The following KIF13A variants were observed in gnomAD, a reference collection of about 807,000 sequenced individuals.
KIF13A encodes the protein kinesin family member 13A.
Under a neutral mutation model 212.2 loss-of-function variants are expected in KIF13A, and 79 were observed. That is an observed-to-expected ratio of 0.37 (90% CI 0.31 to 0.45). KIF13A has a LOEUF of 0.45. Ranked by LOEUF, KIF13A falls within the 20% of genes least tolerant of loss-of-function variation. KIF13A has a pLI of 1.00. For missense variants in KIF13A, 1,901 were observed against 2,209.0 expected (o/e 0.86, Z 2.79); for synonymous variants, 789 against 808.6 (o/e 0.98, Z 0.41).
At position 17,918,110 on chromosome 6, in the gene KIF13A, T is replaced by G. The variant is rs1774712059; in HGVS notation, c.147-19930A>C. ...TACAGAGCTGCACCAACAGGATGCC[T>G]AGGTCTGCCCTGCTTGGTGTCATGG... On this transcript the variant is annotated intron_variant, in intron 2 of 38. Transcript: ENST00000259711. This position sits in a 1 kb window ranked among gnomAD's most constrained non-coding sequence, Gnocchi z 4.8. Among the ~76,000 whole-genome samples the G allele has an allele frequency of 6.6e-6, 1 of 152,006 alleles. No individual in the cohort carries two copies. The highest frequency in any genetic ancestry group is 2.1e-4 in the South Asian group (1 of 4,812).
intron 25 of KIF13A, among the ~76,000 whole-genome samples, chr6:17,792,459 A>G (rs1030969846): frequency 4.6e-5 from 7 of 152,178 alleles, no homozygotes; most frequent in Admixed American, 1.3e-4. Context: ...CAAGATAACC[A>G]TTTAGTAAAG....
intron 2 of KIF13A, among the ~76,000 whole-genome samples, chr6:17,954,430 C>T (rs1778166168): frequency 1.3e-5 from 2 of 152,096 alleles, no homozygotes; most frequent in African/African-American, 2.4e-5. Context: ...TCCCCTCATC[C>T]CTTAGACTAG....
Position 17,954,903 on chromosome 6 carries a change from T to C in KIF13A, c.146+32151A>G, listed in dbSNP as rs2150576860. ...TATGTTGTCCAAGCTGGTCTCAAACTCCTGGCCTCAAGTAACCCTTCCACC... is the reference window on the plus strand; with the variant it reads ...TATGTTGTCCAAGCTGGTCTCAAACCCCTGGCCTCAAGTAACCCTTCCACC... On this transcript the variant is annotated intron_variant, in intron 2 of 38. Coordinates refer to ENST00000259711, the MANE Select transcript of KIF13A (RefSeq NM_022113.6). 2.0e-5 allele frequency among the ~76,000 whole-genome samples: 3 copies of C among 152,270 alleles called. 1 individual carries two copies. Among genetic ancestry groups the C allele is most frequent in the Admixed American group, 2.0e-4 (3 of 15,290 alleles).
chr6:17,903,132 C>G (rs1773191733), intron 2 of KIF13A, among the ~76,000 whole-genome samples: 1 of 152,162 alleles, frequency 6.6e-6, no homozygotes, highest in Non-Finnish European at 1.5e-5. Context: ...GGGATGTTAA[C>G]AAAGGTCAAG....
chr6:17,878,810 G>T (rs1458034146), intron 3 of KIF13A, among the ~76,000 whole-genome samples: 1 of 152,082 alleles, frequency 6.6e-6, no homozygotes, highest in East Asian at 1.9e-4. Flanking sequence ...TTAAGCATTT[G>T]CCCCCTAGAA....
At chr6:17,927,638 G>T (rs952015800) in intron 2 of KIF13A, among the ~76,000 whole-genome samples, 2 of 152,178 alleles carry the variant, frequency 1.3e-5, no homozygotes, top group African/African-American at 4.8e-5. Flanking sequence ...CCACTGAATT[G>T]TACACTTTTA....
chr6:17,918,933 A>G lies in KIF13A; in HGVS notation c.147-20753T>C, dbSNP rs374674278. Among the ~76,000 whole-genome samples, 1 of 152,280 alleles carries G rather than the reference A, an allele frequency of 6.6e-6. No homozygotes were observed. The highest frequency in any genetic ancestry group is 6.5e-5 in the Admixed American group (1 of 15,292). On this transcript the variant is annotated intron_variant, in intron 2 of 38. Transcript: ENST00000259711. This position sits in a 1 kb window ranked among gnomAD's most constrained non-coding sequence, Gnocchi z 4.8. ...CAGGTCTCCCCTGGATCTGACAGTT[A>G]TAAGATCCACGGAAAGAGAGGCTTT... is the stretch of plus-strand genomic sequence containing the variant.
intron 6 of KIF13A, among the ~76,000 whole-genome samples, chr6:17,852,845 T>A (rs1457236561): frequency 6.6e-6 from 1 of 152,232 alleles, no homozygotes; most frequent in Non-Finnish European, 1.5e-5. Context: ...ACAGAGTTTG[T>A]TTATAATTAC....
rs1381932865 is a variant in KIF13A, at chr6:17,856,982, A to G, written c.221-860T>C. ...TGAGAGCTCCCTGATGCCCAAAACT[A>G]TAACCTGCTTATCTTCATAATCCTA... On this transcript the variant is annotated intron_variant, in intron 4 of 38. Coordinates refer to ENST00000259711, the MANE Select transcript of KIF13A (RefSeq NM_022113.6). The surrounding 1 kb of genome is among the most constrained non-coding windows in gnomAD (Gnocchi z 4.5). Among the ~76,000 whole-genome samples, 1 of 152,206 alleles carries G rather than the reference A, an allele frequency of 6.6e-6. No individual in the cohort carries two copies. Among genetic ancestry groups the G allele is most frequent in the Non-Finnish European group, 1.5e-5 (1 of 68,036 alleles).
intron 2 of KIF13A, among the ~76,000 whole-genome samples, chr6:17,910,688 GA>G (rs1773968277): frequency 2.0e-5 from 3 of 152,226 alleles, no homozygotes; most frequent in Admixed American, 2.0e-4. Context: ...ATAAACTTCT[GA>G]AATAAAGTCA....
At chr6:17,865,326 G>GAAAA (rs397750597) in intron 4 of KIF13A, among the ~76,000 whole-genome samples, 1 of 112,842 alleles carries the variant, frequency 8.9e-6, no homozygotes. Flanking sequence ...AGAGAGAGAG[G>GAAAA]AAAAAAAAAA....
At position 17,883,729 on chromosome 6, in the gene KIF13A, A is replaced by G. The variant is rs1771289448; in HGVS notation, c.160-10292T>C. Among the ~76,000 whole-genome samples the G allele has an allele frequency of 6.6e-6, 1 of 152,194 alleles. No homozygotes were observed. The highest frequency in any genetic ancestry group is 1.9e-4 in the East Asian group (1 of 5,194). Reference sequence around the variant, plus strand: ...ATCAAGAAATCCTTTGGGTATATTGAACACAGTGAGATGTCTAGGGAAAAG... The same window carrying G: ...ATCAAGAAATCCTTTGGGTATATTGGACACAGTGAGATGTCTAGGGAAAAG... On this transcript the variant is annotated intron_variant, in intron 3 of 38. Coordinates refer to ENST00000259711, the MANE Select transcript of KIF13A (RefSeq NM_022113.6). This position sits in a 1 kb window ranked among gnomAD's most constrained non-coding sequence, Gnocchi z 4.8.
At chr6:17,960,631 G>A (rs902635557) in intron 2 of KIF13A, among the ~76,000 whole-genome samples, 1 of 152,100 alleles carries the variant, frequency 6.6e-6, no homozygotes, top group Admixed American at 6.6e-5. Flanking sequence ...GGGATATATC[G>A]AGAGCATCAT....
At chr6:17,891,180 ATAC>A (rs1366000963) in intron 3 of KIF13A, among the ~76,000 whole-genome samples, 1 of 152,194 alleles carries the variant, frequency 6.6e-6, no homozygotes, top group Non-Finnish European at 1.5e-5. Context: ...ACTTCCATAA[ATAC>A]TACATCATAA....
intron 16 of KIF13A, among the ~76,000 whole-genome samples, chr6:17,819,052 T>G (rs993889677): frequency 2.8e-5 from 4 of 144,512 alleles, no homozygotes; most frequent in Non-Finnish European, 6.0e-5. Context: ...CGGGCTGGAG[T>G]GCAGTGGCGC....
intron 38 of KIF13A, among the ~76,000 whole-genome samples, 192 bp from the exon 39 acceptor site, chr6:17,765,138 GTGAA>G (rs1392534790): frequency 1.3e-5 from 2 of 152,150 alleles, no homozygotes; most frequent in Middle Eastern, 3.2e-3. Flanking sequence ...TCAGAGACCT[GTGAA>G]TATAAACCCC....
rs1372682454 is a variant in KIF13A, at chr6:17,769,492, C to T, written c.4581+1622G>A. Among the ~76,000 whole-genome samples, 2 of 152,140 alleles carry T rather than the reference C, an allele frequency of 1.3e-5. No individual in the cohort carries two copies. The highest frequency in any genetic ancestry group is 2.9e-5 in the Non-Finnish European group (2 of 68,026). On this transcript the variant is annotated intron_variant, in intron 38 of 38. Transcript: ENST00000259711. The surrounding 1 kb of genome is among the most constrained non-coding windows in gnomAD (Gnocchi z 5.8). ...TGGGTCAAGAGAATCTGGTTCCATC[C>T]TTCTCTCTGCTAGCTGAAAGCCCCG...
Position 17,796,830 on chromosome 6 carries a change from G to A in KIF13A, c.2791-10C>T. 5 of 1,475,186 alleles carry A rather than the reference G, an allele frequency of 3.4e-6. No homozygotes were observed. Among genetic ancestry groups the A allele is most frequent in the South Asian group, 2.8e-5 (2 of 72,468 alleles). 91.4% of individuals were successfully genotyped at this position (1,475,186 alleles called of 1,614,324 possible). A position where few individuals can be genotyped will look rare whatever the true frequency, so the allele number is the denominator to read the frequency against. ...CATTCACCACATAGTCCTGGGATAA[G>A]TGGGGGAAAGCAAAAGAATTATGCT... On this transcript the variant is annotated splice_polypyrimidine_tract_variant and intron_variant, in intron 22 of 38. Transcript: ENST00000259711.
chr6:17,890,927 T>C (rs1772001167), intron 3 of KIF13A, among the ~76,000 whole-genome samples: 1 of 152,118 alleles, frequency 6.6e-6, no homozygotes, highest in Admixed American at 6.6e-5. Context: ...CCCAAAGTGC[T>C]GTGATTACAG....
Sources: allele counts gnomAD v4.1 joint callset (sites outside exome capture counted in the v4.1 genomes callset), GRCh38; gene constraint gnomAD v4.1.1; non-coding constraint Gnocchi (gnomAD v3.1); transcripts MANE v1.5; gene names NCBI Gene and HGNC (gene_info 2026-07-23, HGNC 2026-07-21).